The following ANKRD55 variants were observed in gnomAD, a reference collection of about 807,000 sequenced individuals.
ANKRD55 encodes ankyrin repeat domain-containing protein 55.
ANKRD55 carries 41 observed loss-of-function variants against 60.6 expected under a neutral mutation model. That is an observed-to-expected ratio of 0.68 (90% CI 0.53 to 0.88). The LOEUF (loss-of-function observed/expected upper bound fraction) is 0.88. ANKRD55 is among the 40% of genes least tolerant of loss of function. The probability of loss-of-function intolerance (pLI) is 0.00; values close to 1 mark genes in which losing one functional copy is unlikely to be tolerated. For synonymous variants in ANKRD55, 264 were observed against 290.3 expected (o/e 0.91, Z 0.92); for missense variants, 732 against 767.6 (o/e 0.95, Z 0.55).
intron 7 of ANKRD55, among the ~76,000 whole-genome samples, chr5:56,134,571 A>G (rs1187650330): frequency 3.4e-5 from 2 of 58,064 alleles, no homozygotes; most frequent in African/African-American, 6.1e-5. Flanking sequence ...AGAGTGAGAG[A>G]CTCTGTCTCA....
intron 7 of ANKRD55, chr5:56,137,029 A>T: frequency 1.4e-6 from 1 of 736,512 alleles, no homozygotes; most frequent in South Asian, 1.4e-5. Flanking sequence ...CATGCAAATC[A>T]AGAGGTTCAA....
At position 56,199,051 on chromosome 5, in the gene ANKRD55, G is replaced by T. The variant is rs148090010; in HGVS notation, c.59-15417C>A. On this transcript the variant is annotated intron_variant, in intron 2 of 11. Coordinates refer to ENST00000341048, the MANE Select transcript of ANKRD55 (RefSeq NM_024669.3). ...GCCGAGATCGCGCCACTGCACTCCA[G>T]CCTGGACGACAGAGTGAGACTCTGT... Among the ~76,000 whole-genome samples, 158 of 152,130 alleles carry T rather than the reference G, an allele frequency of 1.0e-3. 1 individual carries two copies. The East Asian group carries it at 0.029, about 28-fold the overall frequency.
intron 2 of ANKRD55, chr5:56,193,150 T>C (rs1759141965): frequency 7.3e-6 from 5 of 688,930 alleles, no homozygotes; most frequent in Admixed American, 5.0e-5. Context: ...TTAAGCCCTT[T>C]GTAAAACAGG....
chr5:56,124,051 T>G (rs553714392), intron 8 of ANKRD55, among the ~76,000 whole-genome samples: 3 of 152,256 alleles, frequency 2.0e-5, no homozygotes, highest in African/African-American at 7.2e-5. Context: ...GAGCTATCAG[T>G]GACTGAGGAA....
chr5:56,111,646 C>T lies in ANKRD55; in HGVS notation c.1102G>A (p.Asp368Asn), dbSNP rs1222610103. 9 of 1,547,116 alleles carry T rather than the reference C, an allele frequency of 5.8e-6. No homozygotes were observed. The highest frequency in any genetic ancestry group is 7.8e-6 in the Non-Finnish European group (9 of 1,152,816). Residue 368 changes from aspartate to asparagine, a missense_variant, in exon 10 of 12, where the codon GAC (aspartate) becomes AAC (asparagine). By Grantham distance (23) the Asp-to-Asn change is conservative. Coordinates refer to ENST00000341048, the MANE Select transcript of ANKRD55 (RefSeq NM_024669.3). ...GAGGTGTCCTCCTCTCTGTATCGGT[C>T]CCTGCTGGGATCCTTCTGATGGGCT... ...QRAHQKDPSRDRYREEDTSEV... is the reference protein window; with the variant it reads ...QRAHQKDPSRNRYREEDTSEV...
At chr5:56,110,974 T>C in intron 10 of ANKRD55, 144 bp downstream of exon 10, 1 of 921,398 alleles carries the variant, frequency 1.1e-6, no homozygotes, top group Non-Finnish European at 1.6e-6. Flanking sequence ...CCAGTGCACT[T>C]TGGGAGAAAA....
intron 7 of ANKRD55, among the ~76,000 whole-genome samples, chr5:56,129,635 G>A (rs754561026): frequency 6.6e-6 from 1 of 152,210 alleles, no homozygotes. Context: ...CCTAACTGTA[G>A]ACATTCTAGG....
chr5:56,106,538 C>T lies in ANKRD55; in HGVS notation c.1631-3952G>A, dbSNP rs1337826717. Among the ~76,000 whole-genome samples the T allele has an allele frequency of 2.0e-5, 3 of 151,642 alleles. 1 individual carries two copies. The South Asian group carries it at 6.2e-4, about 31-fold the overall frequency. ...TCCTGAGTTCAAGCGATTCTCCCACCTCAGCCTCCACAGTAGCTGGGACTA... is the reference window on the plus strand; with the variant it reads ...TCCTGAGTTCAAGCGATTCTCCCACTTCAGCCTCCACAGTAGCTGGGACTA... On this transcript the variant is annotated intron_variant, in intron 10 of 11. Coordinates refer to ENST00000341048, the MANE Select transcript of ANKRD55 (RefSeq NM_024669.3).
Position 56,170,713 on chromosome 5 carries a change from T to A in ANKRD55, c.403A>T (p.Thr135Ser). The A allele has an allele frequency of 6.2e-7, 1 of 1,614,174 alleles. No individual in the cohort carries two copies. The highest frequency in any genetic ancestry group is 8.5e-7 in the Non-Finnish European group (1 of 1,180,002). The stretch of plus-strand genomic sequence containing the variant: ...ACTTACCTCATATCGGGCTCAGCAG[T>A]GGCAGCATGCAGTGGCAGGCGGCCA... ...KNGRLPLHAA[T>S]AEPDMRLLTV... is the part of the protein sequence containing the mutation. Residue 135 changes from threonine (T) to serine (S), a missense_variant, in exon 5 of 12, where the codon ACT becomes TCT. This residue lies in a region of ANKRD55 where 597 missense variants were observed against 607.5 expected (regional missense o/e 0.98). Transcript: ENST00000341048.
intron 8 of ANKRD55, among the ~76,000 whole-genome samples, chr5:56,126,663 C>T (rs912356479): frequency 9.9e-5 from 15 of 151,924 alleles, no homozygotes; most frequent in African/African-American, 3.1e-4. Flanking sequence ...AAATACAGAA[C>T]GTCTTCTGAG....
intron 2 of ANKRD55, among the ~76,000 whole-genome samples, chr5:56,185,066 C>T (rs1758938902): frequency 6.6e-6 from 1 of 151,670 alleles, no homozygotes; most frequent in African/African-American, 2.4e-5. Context: ...ACTAAAAATA[C>T]AAAAAAATAA....
chr5:56,114,053 G>C (rs1756817730), intron 9 of ANKRD55: 1 of 149,908 alleles, frequency 6.7e-6, no homozygotes, highest in Non-Finnish European at 1.5e-5. Flanking sequence ...AGTGGGCCAG[G>C]CGTGGTGGCT....
At chr5:56,185,932 G>T (rs1758962182) in intron 2 of ANKRD55, among the ~76,000 whole-genome samples, 1 of 152,210 alleles carries the variant, frequency 6.6e-6, no homozygotes, top group South Asian at 2.1e-4. Flanking sequence ...GTGAGTAGTT[G>T]TTCCCTAACT....
Position 56,166,099 on chromosome 5 carries a change from T to TTTCTTTCTTTCTTTCTTTCTTTC in ANKRD55, c.422+4572_422+4594dup, listed in dbSNP as rs1554040789. Among the ~76,000 whole-genome samples, 217 of 38,150 alleles carry TTTCTTTCTTTCTTTCTTTCTTTC rather than the reference T, an allele frequency of 5.7e-3. 2 individuals carry two copies. Among genetic ancestry groups the TTTCTTTCTTTCTTTCTTTCTTTC allele is most frequent in the Middle Eastern group, 0.013 (1 of 78 alleles). 25.0% of individuals were successfully genotyped at this position (38,150 alleles called of 152,430 possible). ...TCTTTCTTTTCTTTTTCTTTCTTTC[T>TTTCTTTCTTTCTTTCTTTCTTTC]TTCTTTCTTTCTTTCTTTCTTTCTT... On this transcript the variant is annotated intron_variant, in intron 5 of 11. Transcript: ENST00000341048.
At chr5:56,226,618 A>G (rs1760116315) in intron 2 of ANKRD55, among the ~76,000 whole-genome samples, 2 of 152,222 alleles carry the variant, frequency 1.3e-5, no homozygotes, top group Non-Finnish European at 1.5e-5. Flanking sequence ...CATAATCTAC[A>G]AAGAACTTAA....
intron 6 of ANKRD55, among the ~76,000 whole-genome samples, chr5:56,148,208 T>C (rs566323948): frequency 1.3e-5 from 2 of 152,354 alleles, no homozygotes; most frequent in Admixed American, 1.3e-4. Context: ...GACAGCCATC[T>C]GTGTCCAAGT....
chr5:56,232,121 C>T (rs1252523115), intron 2 of ANKRD55, among the ~76,000 whole-genome samples: 2 of 152,146 alleles, frequency 1.3e-5, no homozygotes, highest in Non-Finnish European at 2.9e-5. Context: ...TTTACTATTA[C>T]ACATAAGTAT....
At position 56,126,066 on chromosome 5, in the gene ANKRD55, G is replaced by A. The variant is rs552597108; in HGVS notation, c.797+856C>T. Among the ~76,000 whole-genome samples, 21 of 152,184 alleles carry A rather than the reference G, an allele frequency of 1.4e-4. No individual in the cohort carries two copies. In the South Asian group the frequency reaches 3.9e-3, roughly 29 times the overall value. On this transcript the variant is annotated intron_variant, in intron 8 of 11. Coordinates refer to ENST00000341048, the MANE Select transcript of ANKRD55 (RefSeq NM_024669.3). ...AGGGAATCGCTTGGACCTGGGAGGTGGAGGTTGCAGTGGGCTGAGGTTGCA... is the reference window on the plus strand; with the variant it reads ...AGGGAATCGCTTGGACCTGGGAGGTAGAGGTTGCAGTGGGCTGAGGTTGCA...
intron 6 of ANKRD55, among the ~76,000 whole-genome samples, chr5:56,149,932 C>T (rs1335802359): frequency 2.0e-5 from 3 of 151,708 alleles, no homozygotes; most frequent in Non-Finnish European, 4.4e-5. Flanking sequence ...ACCTCCACCT[C>T]CTGGGTTCAA....
Sources: gnomAD v4.1 joint callset for allele counts (sites outside exome capture counted in the v4.1 genomes callset) on GRCh38, gnomAD v4.1.1 for gene constraint, gnomAD v4.1.1 regional missense constraint, MANE v1.5 for transcripts, NCBI Gene and HGNC (gene_info 2026-07-23, HGNC 2026-07-21) for gene names.